WWOX: variants seen among roughly 807,000 people sequenced by gnomAD.
WWOX encodes WW domain-containing oxidoreductase.
In WWOX, 69 loss-of-function variants were observed where a neutral mutation model predicts 46.2. The ratio of observed to expected loss-of-function variants is 1.49; its 90% confidence interval spans 1.23 to 1.82. The LOEUF is 1.82. Ranked by LOEUF, WWOX falls within the 40% of genes most tolerant of loss-of-function variation. WWOX has a pLI of 0.00. For synonymous variants in WWOX, 359 were observed against 202.6 expected (o/e 1.77, Z -6.56); for missense variants, 919 against 542.6 (o/e 1.69, Z -6.89).
intron 3 of WWOX, among the ~76,000 whole-genome samples, chr16:78,110,900 A>T (rs2032453338): frequency 6.6e-6 from 1 of 152,236 alleles, no homozygotes; most frequent in African/African-American, 2.4e-5. Flanking sequence ...CACCGTAGTT[A>T]AGAGGAGAAT....
At chr16:78,386,492 T>A (rs2082062771) in intron 5 of WWOX, among the ~76,000 whole-genome samples, 1 of 152,202 alleles carries the variant, frequency 6.6e-6, no homozygotes, top group African/African-American at 2.4e-5. Flanking sequence ...GTCCATTGCA[T>A]CTTTCCATGA....
chr16:79,199,970 G>T (rs556613868), intron 8 of WWOX, among the ~76,000 whole-genome samples: 1 of 152,268 alleles, frequency 6.6e-6, no homozygotes, highest in South Asian at 2.1e-4. Flanking sequence ...TGTTAACTGT[G>T]GGGGCAGAGA....
At chr16:78,534,743 C>T (rs959840000) in intron 8 of WWOX, among the ~76,000 whole-genome samples, 1 of 151,704 alleles carries the variant, frequency 6.6e-6, no homozygotes, top group Non-Finnish European at 1.5e-5. Context: ...GAGACAGAGT[C>T]TCTGTCTCCA....
intron 8 of WWOX, among the ~76,000 whole-genome samples, chr16:79,141,974 A>G (rs1022185742): frequency 1.9e-4 from 29 of 152,174 alleles, no homozygotes; most frequent in African/African-American, 6.8e-4. Flanking sequence ...CAGGGAGGAG[A>G]TGTCTACACG....
intron 8 of WWOX, among the ~76,000 whole-genome samples, chr16:78,561,251 G>A (rs2044428075): frequency 6.6e-6 from 1 of 152,122 alleles, no homozygotes; most frequent in African/African-American, 2.4e-5. Flanking sequence ...GTCCCCTCCT[G>A]CTTTGAATCT....
At chr16:78,509,353 C>G (rs987916201) in intron 8 of WWOX, among the ~76,000 whole-genome samples, 6 of 151,852 alleles carry the variant, frequency 4.0e-5, no homozygotes, top group African/African-American at 1.5e-4. Flanking sequence ...GGCAGGAACT[C>G]GCTTGAACCC....
At chr16:79,138,576 G>A (rs11647803) in intron 8 of WWOX, among the ~76,000 whole-genome samples, 4 of 152,018 alleles carry the variant, frequency 2.6e-5, no homozygotes, top group Non-Finnish European at 5.9e-5. Flanking sequence ...GATTAGGCCC[G>A]TTATTAGGGT....
intron 8 of WWOX, among the ~76,000 whole-genome samples, chr16:78,850,522 A>C (rs1053938722): frequency 2.6e-5 from 4 of 152,182 alleles, no homozygotes; most frequent in Admixed American, 1.3e-4. Flanking sequence ...TACTGCTAAG[A>C]ATAATGTTGC....
chr16:78,621,056 C>G (rs942894521), intron 8 of WWOX, among the ~76,000 whole-genome samples: 2 of 152,126 alleles, frequency 1.3e-5, no homozygotes, highest in African/African-American at 2.4e-5. Flanking sequence ...CTGTGGCAGC[C>G]TTTAACTTCC....
At chr16:79,009,030 C>G (rs2047247753) in intron 8 of WWOX, among the ~76,000 whole-genome samples, 1 of 152,218 alleles carries the variant, frequency 6.6e-6, no homozygotes, top group African/African-American at 2.4e-5. Flanking sequence ...TAAACATGTT[C>G]TAACTTGATT....
intron 8 of WWOX, chr16:78,891,362 A>G (rs1168791359): frequency 6.6e-6 from 1 of 152,096 alleles, no homozygotes; most frequent in Admixed American, 6.6e-5. Context: ...ATTGCGCTTC[A>G]TTAAGTTATT....
chr16:78,359,087 G>T (rs12716854), intron 5 of WWOX, among the ~76,000 whole-genome samples: 112,366 of 151,978 alleles, frequency 0.74, 42,988 homozygotes, highest in African/African-American at 0.84. Context: ...AATAGATAAT[G>T]CTTGAGAAAG....
intron 5 of WWOX, among the ~76,000 whole-genome samples, chr16:78,228,908 C>A (rs1353046577): frequency 6.6e-6 from 1 of 152,124 alleles, no homozygotes. Context: ...GTTTTAAATC[C>A]TTTGTGGTGA....
At chr16:78,755,217 A>G (rs1319966741) in intron 8 of WWOX, among the ~76,000 whole-genome samples, 1 of 138,482 alleles carries the variant, frequency 7.2e-6, no homozygotes, top group African/African-American at 2.6e-5. Flanking sequence ...AAGTGAAAGG[A>G]AAAAAAAAAG....
At chr16:78,616,824 C>G (rs139119666) in intron 8 of WWOX, among the ~76,000 whole-genome samples, 22 of 152,234 alleles carry the variant, frequency 1.4e-4, no homozygotes, top group Admixed American at 2.6e-4. Flanking sequence ...GAAGCCTTCA[C>G]TCTAATGACA....
At chr16:78,895,330 C>A (rs1211728209) in intron 8 of WWOX, 1 of 152,172 alleles carries the variant, frequency 6.6e-6, no homozygotes, top group Non-Finnish European at 1.5e-5. Flanking sequence ...TCTGTGCATA[C>A]AACATCTTCC....
At chr16:78,107,979 A>G (rs2032256309) in intron 1 of WWOX, among the ~76,000 whole-genome samples, 1 of 151,894 alleles carries the variant, frequency 6.6e-6, no homozygotes, top group Non-Finnish European at 1.5e-5. Context: ...GCCAGGCTGG[A>G]GTGCAGCGGC....
intron 5 of WWOX, among the ~76,000 whole-genome samples, chr16:78,210,877 A>C (rs1037814229): frequency 1.3e-5 from 2 of 152,196 alleles, no homozygotes; most frequent in African/African-American, 4.8e-5. Context: ...TTTTGTAGTT[A>C]ATCTATCCTA....
intron 8 of WWOX, chr16:78,535,284 G>C (rs890074635): frequency 3.3e-5 from 5 of 152,232 alleles, no homozygotes; most frequent in African/African-American, 7.2e-5. Flanking sequence ...ACCAGAGCTA[G>C]GTTAGGTCTC....
Sources: gnomAD v4.1 joint callset for allele counts (sites outside exome capture counted in the v4.1 genomes callset) on GRCh38, gnomAD v4.1.1 for gene constraint, MANE v1.5 for transcripts, NCBI Gene and HGNC (gene_info 2026-07-23, HGNC 2026-07-21) for gene names.